The following DCDC2 variants were observed in gnomAD, a reference collection of about 807,000 sequenced individuals.
The protein encoded by DCDC2 is doublecortin domain containing 2, also known as doublecortin domain-containing protein 2.
DCDC2 carries 40 observed loss-of-function variants against 50.2 expected under a neutral mutation model. The ratio of observed to expected loss-of-function variants is 0.80; its 90% CI spans 0.62 to 1.04. DCDC2 has a LOEUF of 1.04. Ranked by LOEUF, DCDC2 falls within the 50% of genes least tolerant of loss-of-function variation. The probability of loss-of-function intolerance (pLI) is 0.00; values close to 1 mark genes in which losing one functional copy is unlikely to be tolerated. For missense variants in DCDC2, 570 were observed against 581.9 expected (o/e 0.98, Z 0.21); for synonymous variants, 234 against 210.6 (o/e 1.11, Z -0.96).
chr6:24,218,051 A>C (rs1038475619), intron 7 of DCDC2, among the ~76,000 whole-genome samples: 2 of 149,676 alleles, frequency 1.3e-5, no homozygotes, highest in Non-Finnish European at 3.0e-5. Context: ...ATTCTATTGG[A>C]CTCCATTTTA....
At chr6:24,374,163 A>C in the DCDC2 span, among the ~76,000 whole-genome samples, 5 of 142,158 alleles carry the variant, frequency 3.5e-5, no homozygotes, top group African/African-American at 1.1e-4. Context: ...CTCCATTTCA[A>C]AAAAAAAAAA....
intron 7 of DCDC2, among the ~76,000 whole-genome samples, chr6:24,213,804 AC>A (rs1761925276): frequency 6.6e-6 from 1 of 151,976 alleles, no homozygotes; most frequent in Non-Finnish European, 1.5e-5. Flanking sequence ...GTATTAGCCA[AC>A]TCTCCTGGGA....
chr6:24,332,995 T>C (rs548707379), intron 2 of DCDC2, among the ~76,000 whole-genome samples: 1 of 152,286 alleles, frequency 6.6e-6, no homozygotes, highest in East Asian at 1.9e-4. Flanking sequence ...GCCTGATGTA[T>C]ATCAATAATG....
rs556674609 is a variant in DCDC2 at position 24,313,390 on chromosome 6, T to A, written c.349-11346A>T. Among the ~76,000 whole-genome samples, 577 of 152,146 alleles carry A rather than the reference T, an allele frequency of 3.8e-3. 4 individuals are homozygous for A. The highest frequency in any genetic ancestry group is 0.013 in the African/African-American group (544 of 41,494). On this transcript the variant is annotated intron_variant, in intron 2 of 9. Transcript: ENST00000378454. Reference sequence around the variant, plus strand: ...AAGCAAGCACTGGGGAAAAAAAAAATAAAAGTATTTGGGGATTGTTTGTCT... The same window carrying A: ...AAGCAAGCACTGGGGAAAAAAAAAAAAAAAGTATTTGGGGATTGTTTGTCT...
intron 7 of DCDC2, among the ~76,000 whole-genome samples, chr6:24,260,262 TG>T (rs1453073904): frequency 7.9e-5 from 12 of 152,144 alleles, no homozygotes; most frequent in East Asian, 3.9e-4. Flanking sequence ...GAATTATTAA[TG>T]GGTTGCCGGT....
the DCDC2 span, among the ~76,000 whole-genome samples, chr6:24,378,857 T>A: frequency 6.9e-6 from 1 of 143,938 alleles, no homozygotes; most frequent in Non-Finnish European, 1.5e-5. Flanking sequence ...GAAGCTGAGG[T>A]GGGAGGATTG....
In DCDC2 at chr6:24,203,553, T is replaced by C. The variant is rs6923151; in HGVS notation, c.1023+1449A>G. On this transcript the variant is annotated intron_variant, in intron 8 of 9. Transcript: ENST00000378454. ...AAACCCTAGAAGAAAACCTAGGCAA[T>C]ACCATTCAGGACATAGGCATGGGAA... 2.3e-3 allele frequency among the ~76,000 whole-genome samples: 350 copies of C among 152,176 alleles called. 2 individuals are homozygous for C. The highest frequency in any genetic ancestry group is 8.1e-3 in the African/African-American group (336 of 41,502).
intron 7 of DCDC2, among the ~76,000 whole-genome samples, chr6:24,210,182 C>G: frequency 6.6e-6 from 1 of 151,996 alleles, no homozygotes; most frequent in African/African-American, 2.4e-5. Flanking sequence ...TGGCCCACCT[C>G]AGAGCTGCAT....
Position 24,174,615 on chromosome 6 carries a change from G to T in DCDC2, c.*115C>A. 1.6e-6 allele frequency: 1 copy of T among 627,634 alleles called. No individual in the cohort carries two copies. Among genetic ancestry groups the T allele is most frequent in the Non-Finnish European group, 2.7e-6 (1 of 368,860 alleles). The allele number at this position is 627,634 out of a possible 1,614,324, so 38.9% of individuals were successfully genotyped here. On this transcript the variant is annotated 3_prime_UTR_variant, in exon 10 of 10. Transcript: ENST00000378454. ...TAGGCTTCTAATGTTATAATTCGTA[G>T]GTAGTATTCGACCATAGTGTCACAT...
chr6:24,369,944 AG>A, the DCDC2 span, among the ~76,000 whole-genome samples: 16 of 152,134 alleles, frequency 1.1e-4, no homozygotes, highest in Non-Finnish European at 1.5e-5. Flanking sequence ...CAGGAGGCTG[AG>A]GTGGGAGGAT....
chr6:24,298,072 G>A (rs559138411), intron 4 of DCDC2, among the ~76,000 whole-genome samples: 233 of 152,344 alleles, frequency 1.5e-3, no homozygotes, highest in African/African-American at 5.4e-3. Context: ...CAGACGGAGT[G>A]GGGGACGGGA....
At chr6:24,342,132 T>G (rs1269873996) in intron 2 of DCDC2, among the ~76,000 whole-genome samples, 6 of 152,214 alleles carry the variant, frequency 3.9e-5, no homozygotes, top group African/African-American at 1.4e-4. Flanking sequence ...ATTCCTTTAA[T>G]GCATCTTTGC....
chr6:24,176,000 A>C (rs1397814097), intron 9 of DCDC2, among the ~76,000 whole-genome samples: 1 of 152,186 alleles, frequency 6.6e-6, no homozygotes, highest in Admixed American at 6.5e-5. Flanking sequence ...TCTGTTACTA[A>C]TCCCTAATTA....
At chr6:24,328,195 G>A (rs1436757382) in intron 2 of DCDC2, among the ~76,000 whole-genome samples, 1 of 152,210 alleles carries the variant, frequency 6.6e-6, no homozygotes, top group Non-Finnish European at 1.5e-5. Flanking sequence ...TATTGCTCAG[G>A]TCACAGAGTA....
intron 7 of DCDC2, among the ~76,000 whole-genome samples, chr6:24,261,392 C>T (rs1296002045): frequency 1.3e-5 from 2 of 151,984 alleles, no homozygotes; most frequent in Non-Finnish European, 2.9e-5. Flanking sequence ...GTCTTTCTAC[C>T]TCAAGTTCCT....
chr6:24,276,196 T>C (rs1581626113), intron 7 of DCDC2, among the ~76,000 whole-genome samples: 1 of 152,298 alleles, frequency 6.6e-6, no homozygotes, highest in South Asian at 2.1e-4. Context: ...TGAAGGTTAC[T>C]TTCCTATGAA....
intron 2 of DCDC2, among the ~76,000 whole-genome samples, chr6:24,335,709 A>G (rs924465731): frequency 6.6e-6 from 1 of 152,218 alleles, no homozygotes; most frequent in Non-Finnish European, 1.5e-5. Context: ...GAAACTTACA[A>G]TCATGGCAGA....
intron 2 of DCDC2, among the ~76,000 whole-genome samples, chr6:24,305,612 G>C (rs1377376403): frequency 6.6e-6 from 1 of 152,180 alleles, no homozygotes; most frequent in Non-Finnish European, 1.5e-5. Context: ...TAAAGGGTTG[G>C]TCAGTTGGTG....
At chr6:24,228,750 T>C (rs1203393750) in intron 7 of DCDC2, among the ~76,000 whole-genome samples, 1 of 152,228 alleles carries the variant, frequency 6.6e-6, no homozygotes, top group Non-Finnish European at 1.5e-5. Context: ...ACCCAGGCTC[T>C]GATGGAATAA....
Sources: allele counts gnomAD v4.1 joint callset (sites outside exome capture counted in the v4.1 genomes callset), GRCh38; gene constraint gnomAD v4.1.1; transcripts MANE v1.5; gene names NCBI Gene and HGNC (gene_info 2026-07-23, HGNC 2026-07-21).